Variants in UQCC1 observed in about 807,000 individuals in gnomAD.
The protein encoded by UQCC1 is ubiquinol-cytochrome c reductase complex assembly factor 1, also known as bFGF-repressed Zic-binding protein.
UQCC1 carries 38 observed loss-of-function variants against 48.0 expected under a neutral mutation model. The observed-to-expected ratio is 0.79, with a 90% CI of 0.61 to 1.04. UQCC1 has a LOEUF of 1.04. Ranked by LOEUF, UQCC1 falls within the 50% of genes least tolerant of loss-of-function variation. The pLI, the probability that UQCC1 is intolerant of heterozygous loss-of-function variation, is 0.00. For missense variants in UQCC1, 368 were observed against 381.8 expected (o/e 0.96, Z 0.30); for synonymous variants, 111 against 129.2 (o/e 0.86, Z 0.95).
At chr20:35,304,240 TCTC>T (rs1420611122) in intron 9 of UQCC1, among the ~76,000 whole-genome samples, 171 bp from the exon 10 acceptor site, 2 of 152,056 alleles carry the variant, frequency 1.3e-5, no homozygotes, top group Non-Finnish European at 2.9e-5. Flanking sequence ...CCGTCTCTGA[TCTC>T]CTAGATAATT....
At chr20:35,407,789 G>C (rs1327486682) in intron 1 of UQCC1, among the ~76,000 whole-genome samples, 1 of 152,180 alleles carries the variant, frequency 6.6e-6, no homozygotes, top group African/African-American at 2.4e-5. Context: ...TTGGGAGGCC[G>C]AGGCAGGCGG....
At chr20:35,332,975 A>G (rs529382185) in intron 7 of UQCC1, among the ~76,000 whole-genome samples, 20 of 152,318 alleles carry the variant, frequency 1.3e-4, no homozygotes, top group African/African-American at 4.8e-4. Context: ...TATCTCATTT[A>G]ACATAAGTGA....
chr20:35,391,855 C>T (rs2062018297), intron 2 of UQCC1, among the ~76,000 whole-genome samples: 1 of 152,048 alleles, frequency 6.6e-6, no homozygotes. Flanking sequence ...CAGATGAAGG[C>T]TATTTGGGAA....
chr20:35,358,145 G>A (rs1459324736), intron 6 of UQCC1, among the ~76,000 whole-genome samples: 1 of 152,068 alleles, frequency 6.6e-6, no homozygotes, highest in Non-Finnish European at 1.5e-5. Flanking sequence ...CCTGAGGTCA[G>A]GAGTTTGAGA....
At chr20:35,379,234 T>C (rs982179843) in intron 4 of UQCC1, among the ~76,000 whole-genome samples, 2 of 152,128 alleles carry the variant, frequency 1.3e-5, no homozygotes, top group African/African-American at 4.8e-5. Flanking sequence ...TTATCAAACA[T>C]GGGAATAACA....
chr20:35,308,792 GCAACC>G (rs981442841), intron 8 of UQCC1, among the ~76,000 whole-genome samples: 2 of 152,226 alleles, frequency 1.3e-5, no homozygotes, highest in African/African-American at 2.4e-5. Context: ...TTGGCTCAAT[GCAACC>G]TCTGCCTCCC....
At chr20:35,326,025 G>T (rs1319427731) in intron 7 of UQCC1, among the ~76,000 whole-genome samples, 1 of 152,168 alleles carries the variant, frequency 6.6e-6, no homozygotes, top group Non-Finnish European at 1.5e-5. Flanking sequence ...CAGGGAAATT[G>T]CATGGACAGA....
intron 1 of UQCC1, among the ~76,000 whole-genome samples, chr20:35,411,510 G>T (rs1458313233): frequency 6.6e-6 from 1 of 152,076 alleles, no homozygotes; most frequent in Non-Finnish European, 1.5e-5. Context: ...AATCTAAAGG[G>T]ACTGCAGGAG....
chr20:35,375,403 C>T (rs1395105741), intron 4 of UQCC1, among the ~76,000 whole-genome samples: 15 of 152,098 alleles, frequency 9.9e-5, no homozygotes, highest in Admixed American at 1.3e-4. Flanking sequence ...TATTTGCTAA[C>T]TTGAGATCTG....
chr20:35,369,018 T>C (rs1431605019), intron 5 of UQCC1, among the ~76,000 whole-genome samples: 3 of 152,234 alleles, frequency 2.0e-5, no homozygotes, highest in Non-Finnish European at 4.4e-5. Flanking sequence ...GAAGTCTGTC[T>C]TTCAATCTGG....
intron 1 of UQCC1, among the ~76,000 whole-genome samples, chr20:35,402,432 G>A (rs1043025762): frequency 2.6e-5 from 4 of 151,936 alleles, no homozygotes; most frequent in Non-Finnish European, 5.9e-5. Flanking sequence ...CAAAAAATTA[G>A]CCGGGTGTGG....
chr20:35,304,201 GGTCCCAGACCAAGCC>G (rs779899173), intron 9 of UQCC1, 132 bp from the exon 10 acceptor site: 2 of 1,221,740 alleles, frequency 1.6e-6, no homozygotes, highest in African/African-American at 1.5e-5. Context: ...GACCATCCCA[GGTCCCAGACCAAGCC>G]GTCCCAGGCC....
intron 2 of UQCC1, among the ~76,000 whole-genome samples, chr20:35,393,482 A>G (rs1048110037): frequency 2.5e-4 from 32 of 130,006 alleles, no homozygotes; most frequent in African/African-American, 9.3e-4. Flanking sequence ...ATACACACAC[A>G]CACACACACA....
chr20:35,341,367 G>A (rs1375483095), intron 7 of UQCC1, among the ~76,000 whole-genome samples: 1 of 152,128 alleles, frequency 6.6e-6, no homozygotes, highest in Non-Finnish European at 1.5e-5. Flanking sequence ...GATGGTGGGG[G>A]AAACGATTTA....
At chr20:35,386,866 T>G (rs1600997386) in intron 2 of UQCC1, among the ~76,000 whole-genome samples, 1 of 151,822 alleles carries the variant, frequency 6.6e-6, no homozygotes, top group African/African-American at 2.4e-5. Context: ...TCTCCACACC[T>G]ACACACTTAT....
Position 35,304,059 on chromosome 20 carries a change from A to G in UQCC1, c.776T>C (p.Leu259Pro). Residue 259 changes from leucine (L) to proline (P), a missense_variant, in exon 10 of 10, where the codon CTG (leucine) becomes CCG (proline). By Grantham distance (98) the Leu-to-Pro change is moderately conservative (BLOSUM62 -3). Coordinates refer to ENST00000374385, the MANE Select transcript of UQCC1 (RefSeq NM_018244.5). ...VEYVRKQIQY[L>P]DSMNGEDLLL... ...CAGATCCTCCCCGTTCATGGAGTCCAGGTACTGTATCTGCAACCAGGGGAG... is the reference window on the plus strand; with the variant it reads ...CAGATCCTCCCCGTTCATGGAGTCCGGGTACTGTATCTGCAACCAGGGGAG... 1 of 1,614,122 alleles carries G rather than the reference A, an allele frequency of 6.2e-7. No homozygotes were observed. The highest frequency in any genetic ancestry group is 8.5e-7 in the Non-Finnish European group (1 of 1,179,978).
intron 7 of UQCC1, among the ~76,000 whole-genome samples, chr20:35,337,189 T>C (rs187616178): frequency 5.6e-4 from 84 of 150,274 alleles, no homozygotes; most frequent in Admixed American, 4.9e-3. Context: ...AGAGCTAGCA[T>C]TCTTTTTTTT....
In UQCC1 at chr20:35,396,726, G is replaced by A. The variant is rs2062083965; in HGVS notation, c.25-2530C>T. Among the ~76,000 whole-genome samples the A allele has an allele frequency of 2.0e-5, 3 of 152,160 alleles. No individual in the cohort carries two copies. The South Asian group carries it at 6.2e-4, about 32-fold the overall frequency. Reference sequence around the variant, plus strand: ...TTCAGAAAGGTCTCTTGGCCAAAGTGAGAGGCTAGGCTGGAGAAAGGGATA... The same window carrying A: ...TTCAGAAAGGTCTCTTGGCCAAAGTAAGAGGCTAGGCTGGAGAAAGGGATA... On this transcript the variant is annotated intron_variant, in intron 1 of 9. Coordinates refer to ENST00000374385, the MANE Select transcript of UQCC1 (RefSeq NM_018244.5).
intron 6 of UQCC1, among the ~76,000 whole-genome samples, chr20:35,366,001 T>C (rs1027246853): frequency 6.6e-6 from 1 of 152,202 alleles, no homozygotes; most frequent in Admixed American, 6.5e-5. Flanking sequence ...TAATACTGTG[T>C]AACATTAGAT....
Sources: allele counts gnomAD v4.1 joint callset (sites outside exome capture counted in the v4.1 genomes callset), GRCh38; gene constraint gnomAD v4.1.1; transcripts MANE v1.5; gene names NCBI Gene and HGNC (gene_info 2026-07-23, HGNC 2026-07-21).